Variants in BLOC1S6 observed in about 807,000 individuals in gnomAD.
BLOC1S6 encodes the protein biogenesis of lysosome-related organelles complex 1 subunit 6.
BLOC1S6 carries 24 observed loss-of-function variants against 24.7 expected under a neutral mutation model. The ratio of observed to expected loss-of-function variants is 0.97; its 90% CI spans 0.70 to 1.37. The LOEUF (loss-of-function observed/expected upper bound fraction) is 1.37, where lower values mean the gene tolerates loss of function less well. BLOC1S6 is among the 40% of genes most tolerant of loss of function. The probability of loss-of-function intolerance (pLI) is 0.00; values close to 1 mark genes in which losing one functional copy is unlikely to be tolerated. For synonymous variants in BLOC1S6, 76 were observed against 72.6 expected (o/e 1.05, Z -0.23); for missense variants, 175 against 196.2 (o/e 0.89, Z 0.64).
intron 1 of BLOC1S6, among the ~76,000 whole-genome samples, chr15:45,589,094 G>A (rs1318769923): frequency 2.0e-5 from 3 of 152,164 alleles, no homozygotes; most frequent in African/African-American, 7.2e-5. Flanking sequence ...GTCTGAAATA[G>A]CAAAAAGTGA....
At chr15:45,599,774 G>A (rs1235418669) in intron 2 of BLOC1S6, among the ~76,000 whole-genome samples, 126 of 77,178 alleles carry the variant, frequency 1.6e-3, no homozygotes, top group Admixed American at 3.6e-3. Context: ...TCAGTGTGGC[G>A]ATTCCTCAGG....
intron 3 of BLOC1S6, among the ~76,000 whole-genome samples, chr15:45,603,869 ATAAAT>A (rs1894354383): frequency 6.6e-6 from 1 of 152,224 alleles, no homozygotes; most frequent in Admixed American, 6.5e-5. Context: ...TAATGCTATA[ATAAAT>A]TAATGCTATA....
intron 1 of BLOC1S6, among the ~76,000 whole-genome samples, chr15:45,588,528 T>C (rs1436687783): frequency 2.6e-5 from 4 of 152,214 alleles, no homozygotes; most frequent in Non-Finnish European, 2.9e-5. Flanking sequence ...GATTCTCCTA[T>C]ACAATTCCAT....
intron 2 of BLOC1S6, among the ~76,000 whole-genome samples, chr15:45,596,744 T>G (rs571028084): frequency 1.3e-5 from 2 of 152,118 alleles, no homozygotes; most frequent in East Asian, 3.9e-4. Context: ...AGTGGGGCGA[T>G]CTCAGCTCAC....
At chr15:45,589,358 TAAG>T (rs1057468559) in intron 1 of BLOC1S6, among the ~76,000 whole-genome samples, 2 of 152,218 alleles carry the variant, frequency 1.3e-5, no homozygotes, top group Admixed American at 6.5e-5. Flanking sequence ...AGTTAGAGGG[TAAG>T]AAGAAGTATT....
At chr15:45,588,273 T>G (rs1893756925) in intron 1 of BLOC1S6, among the ~76,000 whole-genome samples, 1 of 152,268 alleles carries the variant, frequency 6.6e-6, no homozygotes, top group Non-Finnish European at 1.5e-5. Context: ...CACACTTTCA[T>G]TAAGTCGCTT....
intron 1 of BLOC1S6, among the ~76,000 whole-genome samples, chr15:45,591,567 G>A (rs1893886619): frequency 6.6e-6 from 1 of 152,036 alleles, no homozygotes; most frequent in South Asian, 2.1e-4. Flanking sequence ...TGAATAGCTG[G>A]GACCACAGGT....
chr15:45,603,702 G>GA (rs964852363), intron 3 of BLOC1S6, among the ~76,000 whole-genome samples: 3 of 152,142 alleles, frequency 2.0e-5, no homozygotes, highest in African/African-American at 7.2e-5. Flanking sequence ...GTGACAAAGG[G>GA]AGACCCTGTC....
intron 1 of BLOC1S6, among the ~76,000 whole-genome samples, chr15:45,590,081 T>G (rs907689819): frequency 1.3e-5 from 2 of 152,190 alleles, no homozygotes; most frequent in South Asian, 2.1e-4. Context: ...CATTGTTATT[T>G]TAATCAAGCC....
chr15:45,607,297 T>G lies in BLOC1S6; in HGVS notation c.*783T>G, dbSNP rs1467091476. On this transcript the variant is annotated 3_prime_UTR_variant, in exon 5 of 5. Coordinates refer to ENST00000220531, the MANE Select transcript of BLOC1S6 (RefSeq NM_012388.4). ...CTACTAACCATATACTCTTTCTGCT[T>G]CTTAGCGTCGTTGTCACTGCTTCTG... 1 of 152,210 alleles carries G rather than the reference T, an allele frequency of 6.6e-6. No homozygotes were observed. Among genetic ancestry groups the G allele is most frequent in the Non-Finnish European group, 1.5e-5 (1 of 68,050 alleles). The allele number at this position is 152,210 out of a possible 1,614,324, so 9.4% of individuals were successfully genotyped here. A position where few individuals can be genotyped will look rare whatever the true frequency, so the allele number is the denominator to read the frequency against.
intron 2 of BLOC1S6, among the ~76,000 whole-genome samples, chr15:45,592,769 T>A (rs572365940): frequency 9.7e-4 from 147 of 152,266 alleles, no homozygotes; most frequent in African/African-American, 3.4e-3. Context: ...AAGAAAACAG[T>A]TTAAGATAGA....
Position 45,592,196 on chromosome 15 carries a change from A to G in BLOC1S6, c.144A>G (p.Ala48=), listed in dbSNP as rs372182517. ...LIEDLTIEDK[A]VEQLAEGLLS... ...AGGACTTGACTATAGAAGACAAAGC[A>G]GTGGAGCAACTGGCAGAAGGATTGC... The change falls in exon 2 of 5, where the codon GCA becomes GCG. Residue 48 remains alanine, a synonymous_variant. Transcript: ENST00000220531. 6.2e-7 allele frequency: 1 copy of G among 1,614,198 alleles called. No individual in the cohort carries two copies.
At chr15:45,587,550 C>A in intron 1 of BLOC1S6, 25 bp downstream of exon 1, 1 of 1,551,916 alleles carries the variant, frequency 6.4e-7, no homozygotes, top group Non-Finnish European at 8.7e-7. Context: ...GTGGGAAGCG[C>A]GGCCCGGGCT....
At chr15:45,604,305 C>A (rs139677979) in intron 3 of BLOC1S6, among the ~76,000 whole-genome samples, 11 of 152,236 alleles carry the variant, frequency 7.2e-5, no homozygotes, top group Admixed American at 2.0e-4. Context: ...TAATGTTTTC[C>A]ATTTGTAACA....
intron 2 of BLOC1S6, among the ~76,000 whole-genome samples, chr15:45,596,634 T>G (rs1170656197): frequency 6.6e-6 from 1 of 152,140 alleles, no homozygotes; most frequent in Non-Finnish European, 1.5e-5. Context: ...GTCTGTTCTT[T>G]TGCCATTACC....
intron 2 of BLOC1S6, 48 bp from the exon 3 acceptor site, chr15:45,603,052 G>T (rs758518364): frequency 6.3e-6 from 8 of 1,265,034 alleles, no homozygotes; most frequent in South Asian, 2.4e-5. Flanking sequence ...TAATGGACCG[G>T]CACTTTAAAT....
chr15:45,587,255 G>T, upstream of BLOC1S6: 4 of 643,286 alleles, frequency 6.2e-6, no homozygotes, highest in Non-Finnish European at 8.4e-6. Flanking sequence ...TATCAGCGCG[G>T]GGTCCCCACA....
At chr15:45,602,066 G>T (rs1028162379) in intron 2 of BLOC1S6, among the ~76,000 whole-genome samples, 2 of 151,470 alleles carry the variant, frequency 1.3e-5, no homozygotes, top group Non-Finnish European at 2.9e-5. Context: ...GTGTGTGTGT[G>T]TTTTTTTTGT....
At position 45,587,385 on chromosome 15, in the gene BLOC1S6, C is replaced by T. The variant is rs1035647162; in HGVS notation, c.-59C>T. 2.0e-6 allele frequency: 3 copies of T among 1,489,046 alleles called. No individual in the cohort carries two copies. Among genetic ancestry groups the T allele is most frequent in the Admixed American group, 2.0e-5 (1 of 51,022 alleles). The allele number at this position is 1,489,046 out of a possible 1,614,324, so 92.2% of individuals were successfully genotyped here. ...GCCAGCCGCTGGAGTCGTTAGGTGC[C>T]GCCTTGCTTCTGACGAGCCACACGT... On this transcript the variant is annotated 5_prime_UTR_variant, in exon 1 of 5. Transcript: ENST00000220531.
Sources: gnomAD v4.1 joint callset for allele counts (sites outside exome capture counted in the v4.1 genomes callset) on GRCh38, gnomAD v4.1.1 for gene constraint, MANE v1.5 for transcripts, NCBI Gene and HGNC (gene_info 2026-07-23, HGNC 2026-07-21) for gene names.